RPS3: variants seen among roughly 807,000 people sequenced by gnomAD.
RPS3 encodes ribosomal protein S3.
In RPS3, 2 loss-of-function variants were observed where a neutral mutation model predicts 25.8. The ratio of observed to expected loss-of-function variants is 0.08; its 90% CI spans 0.03 to 0.24. The LOEUF (loss-of-function observed/expected upper bound fraction) is 0.24. Ranked by LOEUF, RPS3 falls within the 10% of genes least tolerant of loss-of-function variation. RPS3 has a pLI of 1.00. For synonymous variants in RPS3, 114 were observed against 114.2 expected (o/e 1.00, Z 0.01); for missense variants, 107 against 307.1 (o/e 0.35, Z 4.87).
chr11:75,401,365 G>A (rs1055737451), intron 2 of RPS3, among the ~76,000 whole-genome samples: 2 of 152,140 alleles, frequency 1.3e-5, no homozygotes, highest in African/African-American at 4.8e-5. Context: ...AGGGTGTGGT[G>A]GTGCATGCAT....
chr11:75,400,350 T>C, intron 1 of RPS3: 1 of 521,516 alleles, frequency 1.9e-6, no homozygotes, highest in South Asian at 1.4e-5. Flanking sequence ...AATAGGCCAT[T>C]AGAGCAGTTT....
At chr11:75,401,569 C>T (rs942368417) in intron 2 of RPS3, 71 bp from the exon 3 acceptor site, 2 of 1,050,524 alleles carry the variant, frequency 1.9e-6, no homozygotes, top group African/African-American at 1.6e-5. Context: ...TTTGCTACCA[C>T]ACATATATGC....
downstream of RPS3, among the ~76,000 whole-genome samples, chr11:75,408,476 A>G (rs1380599402): frequency 4.3e-5 from 6 of 140,782 alleles, no homozygotes; most frequent in African/African-American, 1.5e-4. Flanking sequence ...CTGTCTCAAA[A>G]AAATAAAAAA....
chr11:75,401,997 G>A (rs1948216296), intron 3 of RPS3: 2 of 549,484 alleles, frequency 3.6e-6, no homozygotes, highest in Non-Finnish European at 6.5e-6. Flanking sequence ...ATGGCCAAAG[G>A]AGCCAGGGTG....
At chr11:75,410,247 A>G (rs1397956497), downstream of RPS3, among the ~76,000 whole-genome samples, 48 of 139,594 alleles carry the variant, frequency 3.4e-4, no homozygotes, top group African/African-American at 1.3e-3. Flanking sequence ...TGGCTGCTGG[A>G]CGGAGGGGCT....
At chr11:75,413,498 CG>C (rs1948374368) in intron 6 of RPS3, among the ~76,000 whole-genome samples, 1 of 151,668 alleles carries the variant, frequency 6.6e-6, no homozygotes, top group Non-Finnish European at 1.5e-5. Flanking sequence ...CCTTGTGATC[CG>C]CCCTCCTTGG....
At chr11:75,407,385 AC>A (rs975542664), downstream of RPS3, among the ~76,000 whole-genome samples, 50 of 151,854 alleles carry the variant, frequency 3.3e-4, no homozygotes, top group African/African-American at 8.7e-4. Context: ...TGATCCCCCC[AC>A]CTCGGCCTTC....
chr11:75,400,867 T>A, intron 2 of RPS3, 43 bp downstream of exon 2: 1 of 1,585,408 alleles, frequency 6.3e-7, no homozygotes, highest in Non-Finnish European at 8.6e-7. Flanking sequence ...TTGTTATAAA[T>A]GCTAAGTTGG....
In RPS3 at chr11:75,405,906, G is replaced by A. The variant is rs1257455278; in HGVS notation, c.*296G>A. On this transcript the variant is annotated 3_prime_UTR_variant, in exon 7 of 7. Transcript: ENST00000531188. ...ATTCGTTGTCCTGTAGTTCAGGATT[G>A]TAGGTTTAGAAGAGGGATATGTTTG... The A allele has an allele frequency of 8.6e-6, 2 of 232,880 alleles. No individual in the cohort carries two copies. The highest frequency in any genetic ancestry group is 1.7e-5 in the Non-Finnish European group (2 of 114,366). The allele number at this position is 232,880 out of a possible 1,614,324, so 14.4% of individuals were successfully genotyped here.
intron 1 of RPS3, chr11:75,400,380 T>A (rs1948190087): frequency 3.8e-6 from 2 of 530,744 alleles, no homozygotes; most frequent in African/African-American, 3.8e-5. Flanking sequence ...CATGTGGAAC[T>A]GTTTTAAACC....
At chr11:75,413,300 G>GTGCGATCTCGACTCAC (rs575724769) in intron 6 of RPS3, among the ~76,000 whole-genome samples, 51 of 151,944 alleles carry the variant, frequency 3.4e-4, no homozygotes, top group African/African-American at 8.7e-4. Flanking sequence ...GAGTGCGGTG[G>GTGCGATCTCGACTCAC]TGCGATCTCG....
At chr11:75,410,331 C>T (rs1421482169), downstream of RPS3, among the ~76,000 whole-genome samples, 3 of 151,106 alleles carry the variant, frequency 2.0e-5, no homozygotes, top group South Asian at 6.3e-4. Flanking sequence ...CGGGCAGAGG[C>T]GCTCCTCACA....
chr11:75,411,105 T>C (rs560718645), downstream of RPS3, among the ~76,000 whole-genome samples: 2 of 152,218 alleles, frequency 1.3e-5, no homozygotes, highest in African/African-American at 4.8e-5. Context: ...CTCGATCTCT[T>C]GACCTCGTGA....
chr11:75,418,648 A>ACTTCCAATTTGAT (rs2135072811), intron 6 of RPS3, among the ~76,000 whole-genome samples: 1 of 152,390 alleles, frequency 6.6e-6, no homozygotes, highest in African/African-American at 2.4e-5. Flanking sequence ...CAAGATCCTA[A>ACTTCCAATTTGAT]CTTCCAATTT....
chr11:75,414,867 G>T (rs1291042691), intron 6 of RPS3, among the ~76,000 whole-genome samples: 2 of 152,194 alleles, frequency 1.3e-5, no homozygotes, highest in Non-Finnish European at 2.9e-5. Context: ...TGTGCTGAGA[G>T]GACAGTGGAT....
downstream of RPS3, among the ~76,000 whole-genome samples, chr11:75,407,467 ATTT>A (rs1770406358): frequency 6.6e-6 from 1 of 150,676 alleles, no homozygotes; most frequent in African/African-American, 2.4e-5. Context: ...TCCGCAAATT[ATTT>A]TTTATTATTT....
At chr11:75,411,641 C>T (rs1041838641), downstream of RPS3, among the ~76,000 whole-genome samples, 8 of 152,286 alleles carry the variant, frequency 5.3e-5, no homozygotes, top group East Asian at 1.4e-3. Context: ...CCACCCACCT[C>T]GGCCTCCCAA....
In RPS3 at chr11:75,404,269, T is replaced by C; in HGVS notation, c.538+62T>C. The C allele has an allele frequency of 6.8e-7, 1 of 1,466,450 alleles. No individual in the cohort carries two copies. Among genetic ancestry groups the C allele is most frequent in the Non-Finnish European group, 9.5e-7 (1 of 1,058,196 alleles). 90.8% of individuals were successfully genotyped at this position (1,466,450 alleles called of 1,614,324 possible). On this transcript the variant is annotated intron_variant, in intron 5 of 6. Transcript: ENST00000531188. The surrounding 1 kb of genome is among the most constrained non-coding windows in gnomAD (Gnocchi z 4.6). ...GGACAGATTTGGTTTTCCACAGACATCTTAAGTATTTGGGGGAGTTTATCA... is the reference window on the plus strand; with the variant it reads ...GGACAGATTTGGTTTTCCACAGACACCTTAAGTATTTGGGGGAGTTTATCA...
chr11:75,402,894 C>G lies in RPS3; in HGVS notation c.350+448C>G, dbSNP rs10501422. The G allele has an allele frequency of 6.0e-3, 923 of 154,628 alleles. 9 individuals are homozygous for G. The highest frequency in any genetic ancestry group is 0.021 in the African/African-American group (878 of 41,654). The allele number at this position is 154,628 out of a possible 1,614,324, so 9.6% of individuals were successfully genotyped here. On this transcript the variant is annotated intron_variant, in intron 4 of 6. Transcript: ENST00000531188. ...AAACTTTAGTAGCAATCATTCAAAT[C>G]TGCTTAGTGTGTTCACTCTTAAGAT...
Sources: gnomAD v4.1 joint callset for allele counts (sites outside exome capture counted in the v4.1 genomes callset) on GRCh38, gnomAD v4.1.1 for gene constraint, Gnocchi (gnomAD v3.1) non-coding constraint, MANE v1.5 for transcripts, NCBI Gene and HGNC (gene_info 2026-07-23, HGNC 2026-07-21) for gene names.